NRXN1: variants seen among roughly 807,000 people sequenced by gnomAD.
NRXN1 encodes the protein neurexin-1.
In NRXN1, 39 loss-of-function variants were observed where a neutral mutation model predicts 150.9. The observed-to-expected ratio is 0.26, with a 90% confidence interval of 0.20 to 0.34. The LOEUF (loss-of-function observed/expected upper bound fraction) is 0.34. Among genes scored for constraint, NRXN1 ranks in the 10% least tolerant of loss-of-function variants. NRXN1 has a pLI of 1.00. For synonymous variants in NRXN1, 924 were observed against 757.0 expected (o/e 1.22, Z -3.62); for missense variants, 1,815 against 1,949.9 (o/e 0.93, Z 1.30).
chr2:50,833,364 A>T (rs1671671708), intron 5 of NRXN1, among the ~76,000 whole-genome samples: 1 of 152,212 alleles, frequency 6.6e-6, no homozygotes, highest in South Asian at 2.1e-4. Context: ...ATGTATCCAG[A>T]GAAAGATTTG....
At chr2:50,867,688 A>G (rs1053025208) in intron 5 of NRXN1, among the ~76,000 whole-genome samples, 1 of 151,818 alleles carries the variant, frequency 6.6e-6, no homozygotes, top group Non-Finnish European at 1.5e-5. Flanking sequence ...TGTGAATTTT[A>G]CAAGTCTAAT....
Position 50,502,740 on chromosome 2 carries a change from C to A in NRXN1, c.2497+3755G>T, listed in dbSNP as rs563757434. 6.6e-5 allele frequency among the ~76,000 whole-genome samples: 10 copies of A among 152,122 alleles called. 1 individual carries two copies. The highest frequency in any genetic ancestry group is 6.5e-4 in the Admixed American group (10 of 15,282). On this transcript the variant is annotated intron_variant, in intron 13 of 22. Coordinates refer to ENST00000401669, the MANE Select transcript of NRXN1 (RefSeq NM_001330078.2). ...GTAAACTCACACTTTATAAAATGTGCATTATGTGTATGTTTATATGTACAT... is the reference window on the plus strand; with the variant it reads ...GTAAACTCACACTTTATAAAATGTGAATTATGTGTATGTTTATATGTACAT...
intron 17 of NRXN1, among the ~76,000 whole-genome samples, chr2:50,404,289 G>A (rs989904040): frequency 6.6e-5 from 10 of 152,012 alleles, no homozygotes; most frequent in Admixed American, 6.6e-5. Flanking sequence ...ACTGGTCCTT[G>A]CTATAAAAGT....
intron 21 of NRXN1, 133 bp from the exon 22 acceptor site, chr2:49,943,924 A>C: frequency 1.4e-6 from 1 of 729,394 alleles, no homozygotes; most frequent in Non-Finnish European, 2.5e-6. Context: ...CTAAAGACAC[A>C]GAGCTTACAT....
intron 5 of NRXN1, among the ~76,000 whole-genome samples, chr2:50,719,155 A>G (rs1261386829): frequency 2.0e-5 from 3 of 151,752 alleles, no homozygotes; most frequent in African/African-American, 7.3e-5. Context: ...TCCTTCAACT[A>G]TCACACATGT....
At chr2:50,537,143 CCT>C (rs1273777840) in intron 10 of NRXN1, among the ~76,000 whole-genome samples, 6 of 151,976 alleles carry the variant, frequency 3.9e-5, no homozygotes, top group Admixed American at 1.3e-4. Flanking sequence ...CAAAACAACC[CCT>C]CTTTTTCCTA....
intron 18 of NRXN1, among the ~76,000 whole-genome samples, chr2:50,159,019 G>A (rs1478629865): frequency 1.3e-5 from 2 of 152,060 alleles, no homozygotes; most frequent in Middle Eastern, 3.2e-3. Flanking sequence ...AAAATGAACA[G>A]TTGCCAATGA....
At chr2:50,539,830 G>A (rs976953646) in intron 9 of NRXN1, among the ~76,000 whole-genome samples, 3 of 152,226 alleles carry the variant, frequency 2.0e-5, no homozygotes, top group Admixed American at 6.5e-5. Flanking sequence ...GAGACCTGGA[G>A]ATGGGAGGTG....
intron 22 of NRXN1, among the ~76,000 whole-genome samples, chr2:49,940,139 A>G (rs1183600407): frequency 6.6e-6 from 1 of 152,132 alleles, no homozygotes; most frequent in Non-Finnish European, 1.5e-5. Context: ...AAAACTCATG[A>G]GTAAATACTT....
rs1411738803 is a variant in NRXN1 at position 50,828,183 on chromosome 2, C to T, written c.832+93686G>A. On this transcript the variant is annotated intron_variant, in intron 5 of 22. Coordinates refer to ENST00000401669, the MANE Select transcript of NRXN1 (RefSeq NM_001330078.2). ...CTCCTCACTTCCCAGTAGGGGCGGC[C>T]GGGCAGAGGCACCCCTCACCTCCCG... Among the ~76,000 whole-genome samples, 8 of 143,980 alleles carry T rather than the reference C, an allele frequency of 5.6e-5. No homozygotes were observed. In the East Asian group the frequency reaches 6.8e-4, roughly 12 times the overall value. The allele number at this position is 143,980 out of a possible 152,430, so 94.5% of individuals were successfully genotyped here. A position where few individuals can be genotyped will look rare whatever the true frequency, so the allele number is the denominator to read the frequency against.
intron 21 of NRXN1, among the ~76,000 whole-genome samples, chr2:49,952,570 A>G (rs1241459975): frequency 6.6e-6 from 1 of 152,110 alleles, no homozygotes; most frequent in East Asian, 1.9e-4. Context: ...GACCTTACAT[A>G]CCATGCCCTC....
intron 18 of NRXN1, among the ~76,000 whole-genome samples, chr2:50,113,931 G>C (rs116378304): frequency 3.3e-5 from 5 of 152,092 alleles, no homozygotes; most frequent in Non-Finnish European, 7.4e-5. Context: ...GACTATGTGG[G>C]ATGCTATAGA....
At chr2:50,490,950 C>G (rs1282759224) in intron 15 of NRXN1, among the ~76,000 whole-genome samples, 1 of 151,644 alleles carries the variant, frequency 6.6e-6, no homozygotes. Flanking sequence ...CTTATATAGA[C>G]TAAAAAAAAA....
intron 9 of NRXN1, among the ~76,000 whole-genome samples, chr2:50,539,294 T>C (rs945600662): frequency 2.6e-5 from 4 of 152,222 alleles, no homozygotes; most frequent in African/African-American, 9.6e-5. Flanking sequence ...TAAATGTTTG[T>C]GATTATATTT....
intron 18 of NRXN1, among the ~76,000 whole-genome samples, chr2:50,149,201 T>A (rs1273904773): frequency 6.6e-6 from 1 of 151,722 alleles, no homozygotes; most frequent in Non-Finnish European, 1.5e-5. Context: ...TAAGTAGACA[T>A]TGTTCACTTT....
At chr2:51,011,802 G>A (rs768396601) in intron 2 of NRXN1, among the ~76,000 whole-genome samples, 2 of 152,044 alleles carry the variant, frequency 1.3e-5, no homozygotes, top group Non-Finnish European at 2.9e-5. Flanking sequence ...TATTTATAAA[G>A]GATCACTCCA....
intron 5 of NRXN1, among the ~76,000 whole-genome samples, chr2:50,798,040 T>C (rs990117284): frequency 2.0e-5 from 3 of 152,152 alleles, no homozygotes; most frequent in African/African-American, 7.2e-5. Flanking sequence ...AAAGTAGATA[T>C]TTCCTATGAT....
chr2:50,401,801 C>A (rs943494501), intron 17 of NRXN1, among the ~76,000 whole-genome samples: 6 of 152,046 alleles, frequency 3.9e-5, no homozygotes, highest in Admixed American at 6.6e-5. Context: ...TAAAACACAA[C>A]CAGGGTGATT....
rs541207526 is a variant in NRXN1 at position 50,481,956 on chromosome 2, G to C, written c.3071-9485C>G. 1.2e-4 allele frequency among the ~76,000 whole-genome samples: 17 copies of C among 145,774 alleles called. 2 individuals carry two copies. Among genetic ancestry groups the C allele is most frequent in the African/African-American group, 3.6e-4 (13 of 36,362 alleles). On this transcript the variant is annotated intron_variant, in intron 15 of 22. Transcript: ENST00000401669. Reference sequence around the variant, plus strand: ...AATTTTTTTTTGTATTTTTAGTAGAGACGGGGTTTCACCGTTTTAGCCGGG... The same window carrying C: ...AATTTTTTTTTGTATTTTTAGTAGACACGGGGTTTCACCGTTTTAGCCGGG...
Sources: allele counts gnomAD v4.1 joint callset (sites outside exome capture counted in the v4.1 genomes callset), GRCh38; gene constraint gnomAD v4.1.1; transcripts MANE v1.5; gene names NCBI Gene and HGNC (gene_info 2026-07-23, HGNC 2026-07-21).